XKR6: variants seen among roughly 807,000 people sequenced by gnomAD.
The protein encoded by XKR6 is XK-related protein 6.
A neutral mutation model predicts 56.7 loss-of-function variants in XKR6; 22 were observed. That is an observed-to-expected ratio of 0.39 (90% CI 0.28 to 0.55). The LOEUF is 0.55. XKR6 is among the 20% of genes least tolerant of loss of function. The probability of loss-of-function intolerance (pLI) is 0.66; values close to 1 mark genes in which losing one functional copy is unlikely to be tolerated. For synonymous variants in XKR6, 524 were observed against 387.8 expected, an observed-to-expected ratio of 1.35 and a Z score of -4.13; for missense variants, 852 against 889.0, an observed-to-expected ratio of 0.96 and a Z score of 0.53.
Position 11,148,847 on chromosome 8 carries a change from A to G in XKR6, c.764+51729T>C, listed in dbSNP as rs1482261301. ...GCAATACTTCTGACCAATAAAAAGG[A>G]AAGAACTATTAATACCACACAACAA... On this transcript the variant is annotated intron_variant, in intron 1 of 2. Transcript: ENST00000416569. 3.3e-5 allele frequency among the ~76,000 whole-genome samples: 5 copies of G among 152,346 alleles called. 1 individual carries two copies. Among genetic ancestry groups the G allele is most frequent in the Non-Finnish European group, 5.9e-5 (4 of 68,034 alleles).
At chr8:11,024,912 C>T (rs1798826989) in intron 1 of XKR6, among the ~76,000 whole-genome samples, 1 of 152,256 alleles carries the variant, frequency 6.6e-6, no homozygotes, top group African/African-American at 2.4e-5. Flanking sequence ...GCACCTGTGA[C>T]TGGCCTGGCC....
chr8:10,951,106 C>T (rs1027453530), intron 1 of XKR6, among the ~76,000 whole-genome samples: 2 of 152,218 alleles, frequency 1.3e-5, no homozygotes, highest in Admixed American at 6.5e-5. Flanking sequence ...GGCTGCTGTT[C>T]TGGGCCAGTC....
intron 1 of XKR6, among the ~76,000 whole-genome samples, chr8:10,936,170 CT>C (rs1801201129): frequency 6.7e-6 from 1 of 148,880 alleles, no homozygotes; most frequent in African/African-American, 2.4e-5. Context: ...TTCTTTGTCT[CT>C]TTTGATCTTT....
chr8:11,126,968 T>C (rs867244930), intron 1 of XKR6, among the ~76,000 whole-genome samples: 3 of 152,192 alleles, frequency 2.0e-5, no homozygotes, highest in Non-Finnish European at 2.9e-5. Flanking sequence ...CCAATGTTTA[T>C]TGAGCAAAGA....
intron 1 of XKR6, among the ~76,000 whole-genome samples, chr8:10,954,811 T>G (rs764883483): frequency 1.9e-5 from 2 of 107,454 alleles, no homozygotes; most frequent in African/African-American, 1.1e-4. Flanking sequence ...AGGTCTATGA[T>G]GATTTTGACT....
intron 1 of XKR6, among the ~76,000 whole-genome samples, chr8:11,084,774 A>C (rs1797832782): frequency 6.6e-6 from 1 of 152,196 alleles, no homozygotes; most frequent in Admixed American, 6.5e-5. Flanking sequence ...AAGGTTCTCC[A>C]TACTTTTCTA....
In XKR6 at chr8:11,191,436, C is replaced by A. The variant is rs142013876; in HGVS notation, c.764+9140G>T. Among the ~76,000 whole-genome samples the A allele has an allele frequency of 1.2e-3, 184 of 152,238 alleles. 1 individual carries two copies. In the Middle Eastern group the frequency reaches 0.014, roughly 11 times the overall value. Reference sequence around the variant, plus strand: ...CCTTTATATAAAGAAATCTGGCAGTCGCAACCTTAACCAAGGGATAAAACT... The same window carrying A: ...CCTTTATATAAAGAAATCTGGCAGTAGCAACCTTAACCAAGGGATAAAACT... On this transcript the variant is annotated intron_variant, in intron 1 of 2. Transcript: ENST00000416569.
At chr8:10,985,350 C>T (rs950206225) in intron 1 of XKR6, among the ~76,000 whole-genome samples, 2 of 152,074 alleles carry the variant, frequency 1.3e-5, no homozygotes, top group Admixed American at 1.3e-4. Context: ...CAGCAGGCCA[C>T]CATGTAAGAC....
intron 1 of XKR6, chr8:11,105,778 G>C (rs6991930): frequency 0.48 from 73,206 of 152,072 alleles, 18,583 homozygotes; most frequent in Middle Eastern, 0.57. Flanking sequence ...CAAGCACTTG[G>C]TAATTACAGC....
intron 1 of XKR6, among the ~76,000 whole-genome samples, chr8:10,966,361 C>A (rs140838095): frequency 6.6e-6 from 1 of 152,064 alleles, no homozygotes; most frequent in Non-Finnish European, 1.5e-5. Context: ...TTAGCATCAC[C>A]GAGAAATGTA....
intron 1 of XKR6, among the ~76,000 whole-genome samples, chr8:11,186,828 G>A (rs1340432279): frequency 2.0e-5 from 3 of 152,190 alleles, no homozygotes; most frequent in Non-Finnish European, 4.4e-5. Context: ...ACTGTGTTCA[G>A]TCACTGACAT....
At chr8:11,137,610 C>G (rs1433697284) in intron 1 of XKR6, 1 of 456,162 alleles carries the variant, frequency 2.2e-6, no homozygotes, top group East Asian at 7.0e-5. Context: ...TCTTCTACAC[C>G]AAATGAACTC....
intron 1 of XKR6, among the ~76,000 whole-genome samples, chr8:11,075,207 C>T (rs1281913550): frequency 6.6e-6 from 1 of 152,240 alleles, no homozygotes; most frequent in East Asian, 1.9e-4. Flanking sequence ...CAAGGCGCCA[C>T]AGTCCCTCAG....
intron 1 of XKR6, among the ~76,000 whole-genome samples, chr8:11,001,034 A>C (rs1360745734): frequency 2.0e-5 from 3 of 152,204 alleles, no homozygotes; most frequent in Admixed American, 2.0e-4. Context: ...ACAAACCTCA[A>C]GTATGAACTC....
intron 1 of XKR6, among the ~76,000 whole-genome samples, chr8:11,005,231 A>G (rs975329613): frequency 3.1e-4 from 47 of 152,238 alleles, no homozygotes; most frequent in African/African-American, 1.1e-3. Context: ...GCTGCTCAAC[A>G]TGGCACACAA....
At chr8:10,903,376 G>T (rs1211282958) in intron 2 of XKR6, among the ~76,000 whole-genome samples, 1 of 152,186 alleles carries the variant, frequency 6.6e-6, no homozygotes, top group African/African-American at 2.4e-5. Flanking sequence ...CAGGACAGAA[G>T]ATGCACTTCT....
intron 2 of XKR6, among the ~76,000 whole-genome samples, chr8:10,917,445 T>C (rs1325984690): frequency 6.6e-6 from 1 of 152,206 alleles, no homozygotes; most frequent in South Asian, 2.1e-4. Flanking sequence ...CTTTTGATCA[T>C]CTCTGAGAGA....
intron 1 of XKR6, among the ~76,000 whole-genome samples, chr8:10,975,190 A>G (rs1474377812): frequency 2.6e-5 from 4 of 152,150 alleles, no homozygotes; most frequent in Non-Finnish European, 1.5e-5. Flanking sequence ...GGAACCTGAG[A>G]GGAACTAGCA....
At chr8:11,010,922 C>T (rs1034707677) in intron 1 of XKR6, among the ~76,000 whole-genome samples, 1 of 152,102 alleles carries the variant, frequency 6.6e-6, no homozygotes, top group African/African-American at 2.4e-5. Context: ...CTCATGTGAC[C>T]GCTGGTTATG....
Sources: gnomAD v4.1 joint callset for allele counts (sites outside exome capture counted in the v4.1 genomes callset) on GRCh38, gnomAD v4.1.1 for gene constraint, MANE v1.5 for transcripts, NCBI Gene and HGNC (gene_info 2026-07-23, HGNC 2026-07-21) for gene names.